The following GABRA4 variants were observed in gnomAD, a reference collection of about 807,000 sequenced individuals.
GABRA4 encodes gamma-aminobutyric acid receptor subunit alpha-4.
In GABRA4, 12 loss-of-function variants were observed where a neutral mutation model predicts 49.7. That is an observed-to-expected ratio of 0.24 (90% confidence interval 0.15 to 0.39). The LOEUF is 0.39. GABRA4 is among the 10% of genes least tolerant of loss of function. The pLI, the probability that GABRA4 is intolerant of heterozygous loss-of-function variation, is 1.00. For synonymous variants in GABRA4, 288 were observed against 240.2 expected (o/e 1.20, Z -1.84); for missense variants, 506 against 686.0 (o/e 0.74, Z 2.93).
chr4:46,991,898 A>G (rs1723759553), intron 2 of GABRA4, among the ~76,000 whole-genome samples: 1 of 152,242 alleles, frequency 6.6e-6, no homozygotes, highest in African/African-American at 2.4e-5. Context: ...CCTTTAAGGC[A>G]GAATCTCTAT....
chr4:46,948,585 T>C (rs1003638537), intron 8 of GABRA4, among the ~76,000 whole-genome samples: 21 of 152,026 alleles, frequency 1.4e-4, no homozygotes, highest in African/African-American at 4.8e-4. Flanking sequence ...CTGTAATGAA[T>C]TAGGCTGCAC....
chr4:46,972,595 T>C (rs1722987846), intron 6 of GABRA4, among the ~76,000 whole-genome samples: 1 of 151,594 alleles, frequency 6.6e-6, no homozygotes, highest in South Asian at 2.1e-4. Flanking sequence ...TTATTTATTA[T>C]CTTCTGTGAT....
Position 46,926,480 on chromosome 4 carries a change from G to A in GABRA4, c.*1745C>T, listed in dbSNP as rs981693746. 6.6e-6 allele frequency: 1 copy of A among 151,942 alleles called. No homozygotes were observed. Among genetic ancestry groups the A allele is most frequent in the Admixed American group, 6.6e-5 (1 of 15,216 alleles). The allele number at this position is 151,942 out of a possible 1,614,324, so 9.4% of individuals were successfully genotyped here. A position where few individuals can be genotyped will look rare whatever the true frequency, so the allele number is the denominator to read the frequency against. On this transcript the variant is annotated 3_prime_UTR_variant, in exon 9 of 9. Coordinates refer to ENST00000264318, the MANE Select transcript of GABRA4 (RefSeq NM_000809.4). ...CAGATATGACTTACAATTAATATTT[G>A]GCATTTGCACAATTTTCAGGTATCA...
intron 8 of GABRA4, among the ~76,000 whole-genome samples, chr4:46,957,409 T>C (rs972752844): frequency 1.3e-5 from 2 of 152,138 alleles, no homozygotes; most frequent in South Asian, 2.1e-4. Flanking sequence ...TAAGAATCTA[T>C]GGACTTTAAA....
chr4:46,959,181 TA>T (rs1722471536), intron 8 of GABRA4, among the ~76,000 whole-genome samples: 1 of 151,950 alleles, frequency 6.6e-6, no homozygotes, highest in Non-Finnish European at 1.5e-5. Context: ...TCTTAATCTT[TA>T]AAGTTGTACT....
chr4:46,930,912 A>G (rs991097955), intron 8 of GABRA4, among the ~76,000 whole-genome samples: 1 of 151,914 alleles, frequency 6.6e-6, no homozygotes, highest in African/African-American at 2.4e-5. Flanking sequence ...GGAAGAAACA[A>G]ACTTGAGAGA....
intron 8 of GABRA4, among the ~76,000 whole-genome samples, chr4:46,932,822 A>G (rs770214873): frequency 2.6e-4 from 40 of 152,120 alleles, no homozygotes; most frequent in Non-Finnish European, 5.3e-4. Flanking sequence ...TTTTGAATCC[A>G]TTTTACCATC....
At chr4:46,976,504 C>G (rs1431872641) in intron 5 of GABRA4, among the ~76,000 whole-genome samples, 2 of 151,312 alleles carry the variant, frequency 1.3e-5, no homozygotes, top group Non-Finnish European at 2.9e-5. Flanking sequence ...TATATTAACT[C>G]AGACCACACC....
rs1041394556 is a variant in GABRA4 at position 46,926,926 on chromosome 4, T to C, written c.*1299A>G. On this transcript the variant is annotated 3_prime_UTR_variant, in exon 9 of 9. Coordinates refer to ENST00000264318, the MANE Select transcript of GABRA4 (RefSeq NM_000809.4). ...ATTTTAAAATATTCCCCTTAGTTAT[T>C]AAACCTTAAAAAAACTCCCAAAAAA... 3.3e-5 allele frequency: 5 copies of C among 151,848 alleles called. No homozygotes were observed. Among genetic ancestry groups the C allele is most frequent in the African/African-American group, 1.2e-4 (5 of 41,402 alleles). 9.4% of individuals were successfully genotyped at this position (151,848 alleles called of 1,614,324 possible).
At chr4:46,963,057 C>A (rs6858292) in intron 8 of GABRA4, among the ~76,000 whole-genome samples, 2 of 151,508 alleles carry the variant, frequency 1.3e-5, no homozygotes, top group Non-Finnish European at 3.0e-5. Flanking sequence ...TTGAGTAATA[C>A]CTTAGAAGCA....
At chr4:46,953,838 G>A (rs1257653809) in intron 8 of GABRA4, among the ~76,000 whole-genome samples, 4 of 152,058 alleles carry the variant, frequency 2.6e-5, no homozygotes, top group African/African-American at 9.7e-5. Flanking sequence ...GAGTAAGTAT[G>A]GGGCCAGGGA....
In GABRA4 at chr4:46,925,899, G is replaced by A. The variant is rs995007791; in HGVS notation, c.*2326C>T. The A allele has an allele frequency of 4.0e-5, 6 of 151,196 alleles. No individual in the cohort carries two copies. The highest frequency in any genetic ancestry group is 8.9e-5 in the Non-Finnish European group (6 of 67,714). 9.4% of individuals were successfully genotyped at this position (151,196 alleles called of 1,614,324 possible). A position where few individuals can be genotyped will look rare whatever the true frequency, so the allele number is the denominator to read the frequency against. On this transcript the variant is annotated 3_prime_UTR_variant, in exon 9 of 9. Transcript: ENST00000264318. ...CTTTCTCATTCTTTGGCCACATGAT[G>A]TATTTTTAAACCTTCATATGTAAAG... is the stretch of plus-strand genomic sequence containing the variant.
chr4:46,942,114 C>T (rs1430588106), intron 8 of GABRA4, among the ~76,000 whole-genome samples: 1 of 152,084 alleles, frequency 6.6e-6, no homozygotes, highest in Admixed American at 6.6e-5. Context: ...CATTATTCAA[C>T]AAATATTTAT....
At chr4:46,938,578 C>A (rs887953734) in intron 8 of GABRA4, among the ~76,000 whole-genome samples, 1 of 152,062 alleles carries the variant, frequency 6.6e-6, no homozygotes, top group Non-Finnish European at 1.5e-5. Context: ...GAGCCAAGAA[C>A]CTTGCTGAAT....
Position 46,925,706 on chromosome 4 carries a change from C to A in GABRA4, c.*2519G>T, listed in dbSNP as rs1354768401. ...TTTGATGAAATTCAGTTAAGGAAAGCAAACAACATATTATTATTATTATTA... is the reference window on the plus strand; with the variant it reads ...TTTGATGAAATTCAGTTAAGGAAAGAAAACAACATATTATTATTATTATTA... On this transcript the variant is annotated 3_prime_UTR_variant, in exon 9 of 9. Transcript: ENST00000264318. 1 of 142,758 alleles carries A rather than the reference C, an allele frequency of 7.0e-6. No individual in the cohort carries two copies. The highest frequency in any genetic ancestry group is 2.6e-5 in the African/African-American group (1 of 39,108). The allele number at this position is 142,758 out of a possible 1,614,324, so 8.8% of individuals were successfully genotyped here.
chr4:46,946,079 CAAA>C (rs1721968552), intron 8 of GABRA4, among the ~76,000 whole-genome samples: 1 of 152,008 alleles, frequency 6.6e-6, no homozygotes, highest in Non-Finnish European at 1.5e-5. Flanking sequence ...AAAACAACAA[CAAA>C]AAATTTCTAT....
At chr4:46,979,743 G>A (rs1273009177) in intron 2 of GABRA4, among the ~76,000 whole-genome samples, 2 of 151,760 alleles carry the variant, frequency 1.3e-5, no homozygotes, top group African/African-American at 4.8e-5. Flanking sequence ...TTTTGATAGC[G>A]ATCAAATGAA....
rs369846409 is a variant in GABRA4, at chr4:46,979,134, A to G, written c.206-36T>C. The G allele has an allele frequency of 1.5e-4, 195 of 1,326,060 alleles. 1 individual carries two copies. Among genetic ancestry groups the G allele is most frequent in the Middle Eastern group, 7.3e-4 (4 of 5,448 alleles). 82.1% of individuals were successfully genotyped at this position (1,326,060 alleles called of 1,614,324 possible). On this transcript the variant is annotated intron_variant, in intron 2 of 8. Coordinates refer to ENST00000264318, the MANE Select transcript of GABRA4 (RefSeq NM_000809.4). ...TGAAGTAAATAAGTGTGAAAAAATA[A>G]TTACCAATTTTACAGGCTGGGAAGG... is the stretch of plus-strand genomic sequence containing the variant.
chr4:46,959,168 T>C (rs1163269478), intron 8 of GABRA4, among the ~76,000 whole-genome samples: 4 of 151,980 alleles, frequency 2.6e-5, no homozygotes, highest in Admixed American at 2.6e-4. Flanking sequence ...AATTTTGATG[T>C]GTTCTTAATC....
Sources: gnomAD v4.1 joint callset for allele counts (sites outside exome capture counted in the v4.1 genomes callset) on GRCh38, gnomAD v4.1.1 for gene constraint, MANE v1.5 for transcripts, NCBI Gene and HGNC (gene_info 2026-07-23, HGNC 2026-07-21) for gene names.